Variants in RNF2 observed in about 807,000 individuals in gnomAD.
The protein encoded by RNF2 is E3 ubiquitin-protein ligase RING2.
RNF2 carries 6 observed loss-of-function variants against 37.2 expected under a neutral mutation model. The ratio of observed to expected loss-of-function variants is 0.16; its 90% CI spans 0.09 to 0.32. The LOEUF (loss-of-function observed/expected upper bound fraction) is 0.32. Among genes scored for constraint, RNF2 ranks in the 10% least tolerant of loss-of-function variants. The probability of loss-of-function intolerance (pLI) is 1.00; values close to 1 mark genes in which losing one functional copy is unlikely to be tolerated. For missense variants in RNF2, 251 were observed against 404.0 expected, an observed-to-expected ratio of 0.62 and a Z score of 3.25; for synonymous variants, 133 against 132.7, an observed-to-expected ratio of 1.00 and a Z score of -0.02.
intron 1 of RNF2, among the ~76,000 whole-genome samples, chr1:185,082,345 C>CTTTTTTTTTTTTGTTTTTTT (rs1651444359): frequency 1.4e-5 from 1 of 72,000 alleles, no homozygotes; most frequent in Non-Finnish European, 2.9e-5. Context: ...CTCTGCAGAA[C>CTTTTTTTTTTTTGTTTTTTT]TTTTTTTTTT....
intron 1 of RNF2, among the ~76,000 whole-genome samples, chr1:185,068,815 AC>A (rs1650876260): frequency 6.6e-6 from 1 of 152,128 alleles, no homozygotes; most frequent in African/African-American, 2.4e-5. Context: ...GTTTACCTAA[AC>A]TCTTTCTCCT....
At chr1:185,066,932 A>C (rs1650814959) in intron 1 of RNF2, among the ~76,000 whole-genome samples, 1 of 152,236 alleles carries the variant, frequency 6.6e-6, no homozygotes, top group East Asian at 1.9e-4. Flanking sequence ...CTAGATCTGC[A>C]TTTTAAAGGA....
chr1:185,093,295 C>A lies in RNF2; in HGVS notation c.464+19C>A. 1 of 1,603,868 alleles carries A rather than the reference C, an allele frequency of 6.2e-7. No individual in the cohort carries two copies. The highest frequency in any genetic ancestry group is 1.1e-5 in the South Asian group (1 of 90,530). On this transcript the variant is annotated intron_variant, in intron 4 of 6. Coordinates refer to ENST00000367510, the MANE Select transcript of RNF2 (RefSeq NM_007212.4). ...TGAACAGGTATATGGGAAAGAGGGT[C>A]AGAGAGGGTAGCTGTTTTTCTGAAT...
intron 1 of RNF2, among the ~76,000 whole-genome samples, chr1:185,062,765 TA>T (rs200657857): frequency 8.7e-4 from 125 of 143,034 alleles, no homozygotes; most frequent in South Asian, 1.8e-3. Context: ...CAAGTTAACT[TA>T]AAAAAAAAAC....
At chr1:185,071,395 G>A (rs1185832780) in intron 1 of RNF2, among the ~76,000 whole-genome samples, 2 of 148,524 alleles carry the variant, frequency 1.3e-5, no homozygotes, top group Non-Finnish European at 2.9e-5. Context: ...ACCCTCTATT[G>A]TTGTGGGAAT....
At chr1:185,089,367 A>G (rs1010610848) in intron 2 of RNF2, among the ~76,000 whole-genome samples, 21 of 152,158 alleles carry the variant, frequency 1.4e-4, no homozygotes, top group African/African-American at 4.8e-4. Context: ...ATATGCAAAC[A>G]TCATGCCATT....
At chr1:185,074,849 T>C (rs1651098201) in intron 1 of RNF2, among the ~76,000 whole-genome samples, 1 of 152,184 alleles carries the variant, frequency 6.6e-6, no homozygotes, top group South Asian at 2.1e-4. Context: ...TATGTGTAAG[T>C]TATATGCAAA....
intron 1 of RNF2, among the ~76,000 whole-genome samples, chr1:185,075,419 C>T (rs1448387215): frequency 2.0e-5 from 3 of 152,190 alleles, no homozygotes; most frequent in Non-Finnish European, 4.4e-5. Flanking sequence ...CCAAATTGTT[C>T]TGTTCCCCAG....
intron 1 of RNF2, among the ~76,000 whole-genome samples, chr1:185,049,216 CA>C (rs1156841571): frequency 6.6e-6 from 1 of 151,548 alleles, no homozygotes; most frequent in African/African-American, 2.4e-5. Flanking sequence ...GACTCTGCCT[CA>C]AAAAAAATCA....
chr1:185,093,328 TAAC>T (rs1651822106), intron 4 of RNF2, 52 bp downstream of exon 4: 2 of 1,518,152 alleles, frequency 1.3e-6, no homozygotes, highest in Non-Finnish European at 1.8e-6. Flanking sequence ...AATACTTTAT[TAAC>T]AATTAAATTT....
chr1:185,101,435 G>C lies in RNF2; in HGVS notation c.*1134G>C, dbSNP rs1463822230. 1 of 152,534 alleles carries C rather than the reference G, an allele frequency of 6.6e-6. No homozygotes were observed. The highest frequency in any genetic ancestry group is 1.5e-5 in the Non-Finnish European group (1 of 67,988). The allele number at this position is 152,534 out of a possible 1,614,324, so 9.4% of individuals were successfully genotyped here. A position where few individuals can be genotyped will look rare whatever the true frequency, so the allele number is the denominator to read the frequency against. ...CTGTAGAAAAACGTCAGCCAGTAGG[G>C]TAAAGTCATTCTACTGTTCTTAATT... On this transcript the variant is annotated 3_prime_UTR_variant, in exon 7 of 7. Coordinates refer to ENST00000367510, the MANE Select transcript of RNF2 (RefSeq NM_007212.4).
intron 1 of RNF2, among the ~76,000 whole-genome samples, chr1:185,053,201 TATTC>T (rs1650319459): frequency 6.6e-6 from 1 of 152,168 alleles, no homozygotes; most frequent in African/African-American, 2.4e-5. Context: ...TTATTGTTAT[TATTC>T]CCATAAAAAA....
chr1:185,064,908 GT>G (rs1650755000), intron 1 of RNF2, among the ~76,000 whole-genome samples: 3 of 151,934 alleles, frequency 2.0e-5, no homozygotes, highest in Admixed American at 1.3e-4. Flanking sequence ...GAAACTGATT[GT>G]TTTGTTTTTT....
chr1:185,066,632 G>A (rs1426386188), intron 1 of RNF2, among the ~76,000 whole-genome samples: 7 of 152,140 alleles, frequency 4.6e-5, no homozygotes. Flanking sequence ...CTCAATAAAT[G>A]TTTCCTAAAT....
chr1:185,055,690 G>T (rs1028231460), intron 1 of RNF2, among the ~76,000 whole-genome samples: 1 of 152,182 alleles, frequency 6.6e-6, no homozygotes, highest in African/African-American at 2.4e-5. Context: ...CGAAGTCTGG[G>T]ATTACGAGGT....
At chr1:185,074,254 A>G (rs1469940819) in intron 1 of RNF2, among the ~76,000 whole-genome samples, 2 of 152,198 alleles carry the variant, frequency 1.3e-5, no homozygotes, top group Non-Finnish European at 2.9e-5. Flanking sequence ...TAAAAATTTA[A>G]TGGAGATTCC....
At chr1:185,083,082 A>G (rs1651477588) in intron 1 of RNF2, among the ~76,000 whole-genome samples, 1 of 152,236 alleles carries the variant, frequency 6.6e-6, no homozygotes, top group Admixed American at 6.5e-5. Flanking sequence ...TCATTTGGAT[A>G]GGCTCTGGCC....
rs375317224 is a variant in RNF2, at chr1:185,064,114, G to A, written c.-3+18465G>A. ...CCATAGTTAGAGACTTAATTCAGAA[G>A]GGCATTTAAAATTAACAAATGGAAT... is the stretch of plus-strand genomic sequence containing the variant. On this transcript the variant is annotated intron_variant, in intron 1 of 6. Transcript: ENST00000367510. 6.6e-5 allele frequency among the ~76,000 whole-genome samples: 10 copies of A among 152,074 alleles called. No individual in the cohort carries two copies. The East Asian group carries it at 1.9e-3, about 29-fold the overall frequency.
At chr1:185,074,545 C>G (rs1651087769) in intron 1 of RNF2, among the ~76,000 whole-genome samples, 1 of 151,816 alleles carries the variant, frequency 6.6e-6, no homozygotes, top group South Asian at 2.1e-4. Context: ...CCTTATGACT[C>G]AGGGATTCCA....
Sources: allele counts gnomAD v4.1 joint callset (sites outside exome capture counted in the v4.1 genomes callset), GRCh38; gene constraint gnomAD v4.1.1; transcripts MANE v1.5; gene names NCBI Gene and HGNC (gene_info 2026-07-23, HGNC 2026-07-21).